Variants in GABRB2 observed in about 807,000 individuals in gnomAD.
The protein encoded by GABRB2 is gamma-aminobutyric acid type A receptor subunit beta2, also known as gamma-aminobutyric acid receptor subunit beta-2.
Under a neutral mutation model 54.7 loss-of-function variants are expected in GABRB2, and 16 were observed. The observed-to-expected ratio is 0.29, with a 90% CI of 0.20 to 0.44. GABRB2 has a LOEUF of 0.44. Ranked by LOEUF, GABRB2 falls within the 20% of genes least tolerant of loss-of-function variation. The pLI is 1.00. For synonymous variants in GABRB2, 244 were observed against 233.8 expected (o/e 1.04, Z -0.40); for missense variants, 355 against 644.0 (o/e 0.55, Z 4.86).
intron 5 of GABRB2, among the ~76,000 whole-genome samples, chr5:161,363,817 T>C (rs1388516752): frequency 6.6e-6 from 1 of 152,230 alleles, no homozygotes; most frequent in Non-Finnish European, 1.5e-5. Context: ...GTTAGTTTCC[T>C]GGAAACATAA....
chr5:161,427,446 A>G (rs1299514692), intron 4 of GABRB2, among the ~76,000 whole-genome samples: 1 of 152,110 alleles, frequency 6.6e-6, no homozygotes, highest in Non-Finnish European at 1.5e-5. Flanking sequence ...ATGGGTAAAG[A>G]ATAGGTTCAC....
chr5:161,357,884 T>G (rs972765364), intron 5 of GABRB2, among the ~76,000 whole-genome samples: 23 of 152,040 alleles, frequency 1.5e-4, no homozygotes, highest in Admixed American at 1.4e-3. Context: ...GCATTACAGG[T>G]TTTAGAAAGG....
intron 5 of GABRB2, among the ~76,000 whole-genome samples, chr5:161,339,528 A>G (rs1176456865): frequency 6.6e-6 from 1 of 151,982 alleles, no homozygotes; most frequent in Non-Finnish European, 1.5e-5. Context: ...ATTGTAGGTG[A>G]CACATAAAAA....
Position 161,288,904 on chromosome 5 carries a change from T to G in GABRB2, c.*5177A>C, listed in dbSNP as rs78468559. 6.6e-6 allele frequency: 1 copy of G among 152,184 alleles called. No individual in the cohort carries two copies. The highest frequency in any genetic ancestry group is 1.5e-5 in the Non-Finnish European group (1 of 68,024). The allele number at this position is 152,184 out of a possible 1,614,324, so 9.4% of individuals were successfully genotyped here. A position where few individuals can be genotyped will look rare whatever the true frequency, so the allele number is the denominator to read the frequency against. The stretch of plus-strand genomic sequence containing the variant: ...TAAACTATAGGCAACTTTGTTGGGA[T>G]TAATTATGTTTAAAATGACGATGGT... On this transcript the variant is annotated 3_prime_UTR_variant, in exon 10 of 10. Coordinates refer to ENST00000393959, the MANE Select transcript of GABRB2 (RefSeq NM_001371727.1).
intron 5 of GABRB2, among the ~76,000 whole-genome samples, chr5:161,405,442 T>G (rs1756322812): frequency 6.6e-6 from 1 of 152,092 alleles, no homozygotes; most frequent in Non-Finnish European, 1.5e-5. Context: ...TCTTATTACC[T>G]TTAAGGGTCA....
intron 5 of GABRB2, among the ~76,000 whole-genome samples, chr5:161,393,084 A>T (rs1024489067): frequency 2.2e-4 from 33 of 151,758 alleles, no homozygotes; most frequent in African/African-American, 3.1e-4. Context: ...TCTTTTTTTT[A>T]AAAAATAAAA....
intron 6 of GABRB2, 145 bp downstream of exon 6, chr5:161,336,487 G>A (rs1753996754): frequency 1.3e-5 from 12 of 940,622 alleles, no homozygotes; most frequent in Non-Finnish European, 1.9e-5. Flanking sequence ...TAGAACAATA[G>A]ACTTCATGGG....
intron 5 of GABRB2, among the ~76,000 whole-genome samples, chr5:161,400,245 C>T (rs1756141737): frequency 6.6e-6 from 1 of 152,154 alleles, no homozygotes; most frequent in South Asian, 2.1e-4. Flanking sequence ...ATGTTCACAT[C>T]AGGTTTCACA....
intron 3 of GABRB2, among the ~76,000 whole-genome samples, chr5:161,463,032 T>C (rs867922877): frequency 6.6e-6 from 1 of 152,112 alleles, no homozygotes; most frequent in Non-Finnish European, 1.5e-5. Flanking sequence ...GGGTGCTCCT[T>C]GATCCACGTT....
At chr5:161,513,248 C>G (rs543522711) in intron 3 of GABRB2, among the ~76,000 whole-genome samples, 1 of 152,024 alleles carries the variant, frequency 6.6e-6, no homozygotes, top group African/African-American at 2.4e-5. Context: ...AATAACAGAA[C>G]TACCATTCGA....
intron 3 of GABRB2, among the ~76,000 whole-genome samples, chr5:161,521,129 A>G (rs541766849): frequency 2.6e-5 from 4 of 152,064 alleles, no homozygotes; most frequent in Non-Finnish European, 5.9e-5. Flanking sequence ...GAGGTTACCC[A>G]ATGCATTAAA....
At chr5:161,539,228 A>C (rs1266698884) in intron 3 of GABRB2, among the ~76,000 whole-genome samples, 1 of 152,250 alleles carries the variant, frequency 6.6e-6, no homozygotes, top group Non-Finnish European at 1.5e-5. Context: ...TTCATCAAAG[A>C]ATCTTAACAA....
At chr5:161,424,776 G>T (rs1756950352) in intron 4 of GABRB2, among the ~76,000 whole-genome samples, 1 of 152,074 alleles carries the variant, frequency 6.6e-6, no homozygotes, top group South Asian at 2.1e-4. Flanking sequence ...GGTTATTGCT[G>T]TCATGTATAG....
chr5:161,443,276 T>C (rs921575955), intron 4 of GABRB2, among the ~76,000 whole-genome samples: 1 of 152,196 alleles, frequency 6.6e-6, no homozygotes, highest in Non-Finnish European at 1.5e-5. Flanking sequence ...TAAGGAACAT[T>C]GTCACTGAAC....
chr5:161,324,486 G>A (rs1644517), intron 9 of GABRB2, among the ~76,000 whole-genome samples: 9 of 151,878 alleles, frequency 5.9e-5, no homozygotes, highest in African/African-American at 1.2e-4. Flanking sequence ...CTCAGCAGTT[G>A]TATAAGACAG....
chr5:161,366,501 T>C (rs868097292), intron 5 of GABRB2, among the ~76,000 whole-genome samples: 7 of 152,128 alleles, frequency 4.6e-5, no homozygotes, highest in East Asian at 1.9e-4. Context: ...ACTAAAAATT[T>C]TTTTTCTATC....
At chr5:161,320,881 A>G (rs1758188467) in intron 9 of GABRB2, among the ~76,000 whole-genome samples, 1 of 151,974 alleles carries the variant, frequency 6.6e-6, no homozygotes, top group Admixed American at 6.6e-5. Flanking sequence ...TTCTGACATC[A>G]AGATTTAGCT....
chr5:161,354,558 T>A (rs1345478961), intron 5 of GABRB2, among the ~76,000 whole-genome samples: 1 of 151,962 alleles, frequency 6.6e-6, no homozygotes, highest in Admixed American at 6.6e-5. Flanking sequence ...CATGACTACA[T>A]CATCTCATGC....
At chr5:161,413,488 G>T (rs1756579830) in intron 4 of GABRB2, among the ~76,000 whole-genome samples, 1 of 151,926 alleles carries the variant, frequency 6.6e-6, no homozygotes, top group Admixed American at 6.6e-5. Context: ...TTCACTCAAG[G>T]TCAAAAAATT....
Sources: gnomAD v4.1 joint callset for allele counts (sites outside exome capture counted in the v4.1 genomes callset) on GRCh38, gnomAD v4.1.1 for gene constraint, MANE v1.5 for transcripts, NCBI Gene and HGNC (gene_info 2026-07-23, HGNC 2026-07-21) for gene names.